MRPS27: variants seen among roughly 807,000 people sequenced by gnomAD.
MRPS27 encodes mitochondrial ribosomal protein S27.
MRPS27 carries 43 observed loss-of-function variants against 48.9 expected under a neutral mutation model. That is an observed-to-expected ratio of 0.88 (90% CI 0.69 to 1.13). The LOEUF (loss-of-function observed/expected upper bound fraction) is 1.13, where lower values mean the gene tolerates loss of function less well. Ranked by LOEUF, MRPS27 falls within the 50% of genes most tolerant of loss-of-function variation. MRPS27 has a pLI of 0.00. For missense variants in MRPS27, 467 were observed against 476.3 expected (o/e 0.98, Z 0.18); for synonymous variants, 188 against 171.9 (o/e 1.09, Z -0.73).
chr5:72,270,553 A>G (rs1260415413), intron 4 of MRPS27, among the ~76,000 whole-genome samples: 1 of 152,040 alleles, frequency 6.6e-6, no homozygotes, highest in Non-Finnish European at 1.5e-5. Flanking sequence ...TCTTAAGAAA[A>G]CTCCAGGCCC....
At chr5:72,317,399 A>G (rs1025629714) in intron 1 of MRPS27, among the ~76,000 whole-genome samples, 8 of 152,270 alleles carry the variant, frequency 5.3e-5, no homozygotes, top group Non-Finnish European at 8.8e-5. Flanking sequence ...TTGGAAATGG[A>G]GTTTCGCTCT....
chr5:72,223,579 G>T, intron 10 of MRPS27, 104 bp downstream of exon 10: 1 of 1,350,018 alleles, frequency 7.4e-7, no homozygotes. Context: ...AGTTTTTAAT[G>T]CCTCTTTGTG....
chr5:72,297,352 T>C (rs962986445), intron 3 of MRPS27, among the ~76,000 whole-genome samples: 5 of 152,148 alleles, frequency 3.3e-5, no homozygotes, highest in African/African-American at 9.7e-5. Context: ...AAAAAACTGA[T>C]GGTATCATAC....
At chr5:72,314,581 G>A (rs1227603980) in intron 1 of MRPS27, 1 of 167,840 alleles carries the variant, frequency 6.0e-6, no homozygotes, top group Non-Finnish European at 1.3e-5. Flanking sequence ...CAAACTTAGT[G>A]TGGACACTTG....
intron 9 of MRPS27, among the ~76,000 whole-genome samples, chr5:72,225,568 G>C (rs1466395244): frequency 2.6e-5 from 4 of 152,012 alleles, no homozygotes; most frequent in African/African-American, 9.7e-5. Flanking sequence ...GAACACCTTA[G>C]AACTTTGAAA....
intron 4 of MRPS27, among the ~76,000 whole-genome samples, chr5:72,278,642 A>G (rs1389152419): frequency 2.0e-5 from 3 of 152,022 alleles, no homozygotes. Flanking sequence ...TATACCCTTC[A>G]CTTTATAACA....
intron 2 of MRPS27, among the ~76,000 whole-genome samples, chr5:72,309,045 C>G (rs1750363310): frequency 6.6e-6 from 1 of 152,056 alleles, no homozygotes; most frequent in Non-Finnish European, 1.5e-5. Flanking sequence ...GACTTCAGCA[C>G]ATCATACACA....
At chr5:72,305,944 G>A (rs895024493) in intron 2 of MRPS27, among the ~76,000 whole-genome samples, 40 of 152,178 alleles carry the variant, frequency 2.6e-4, no homozygotes, top group African/African-American at 8.7e-4. Flanking sequence ...TAGCCAAAGG[G>A]AAGCCCAGTA....
At chr5:72,274,659 T>G (rs1179036282) in intron 4 of MRPS27, among the ~76,000 whole-genome samples, 1 of 152,216 alleles carries the variant, frequency 6.6e-6, no homozygotes, top group Non-Finnish European at 1.5e-5. Flanking sequence ...TCATTAACAA[T>G]TTTTATTATT....
intron 2 of MRPS27, among the ~76,000 whole-genome samples, chr5:72,309,558 C>T (rs771463566): frequency 5.9e-5 from 9 of 152,066 alleles, no homozygotes; most frequent in Non-Finnish European, 8.8e-5. Context: ...TGCGTGCTGC[C>T]CCGCTGCAGA....
intron 2 of MRPS27, among the ~76,000 whole-genome samples, chr5:72,311,117 T>C (rs962542758): frequency 6.6e-6 from 1 of 152,216 alleles, no homozygotes; most frequent in Non-Finnish European, 1.5e-5. Context: ...AAAAATGCTA[T>C]GAGAGACCCT....
At chr5:72,303,200 A>G (rs2008561) in intron 2 of MRPS27, among the ~76,000 whole-genome samples, 26,545 of 152,258 alleles carry the variant, frequency 0.17, 6,019 homozygotes, top group African/African-American at 0.53. Flanking sequence ...TATCTTGATC[A>G]TGGAGATGAC....
chr5:72,311,887 CT>C (rs1750449241), intron 2 of MRPS27, among the ~76,000 whole-genome samples: 1 of 152,148 alleles, frequency 6.6e-6, no homozygotes, highest in African/African-American at 2.4e-5. Flanking sequence ...AATCCCAGCA[CT>C]TTGGGAGGCT....
intron 4 of MRPS27, among the ~76,000 whole-genome samples, chr5:72,240,307 A>G (rs1224662646): frequency 6.6e-6 from 1 of 152,204 alleles, no homozygotes; most frequent in East Asian, 1.9e-4. Flanking sequence ...TACGAGGTGG[A>G]GCATGATAAG....
At chr5:72,296,478 C>A (rs548363440) in intron 3 of MRPS27, among the ~76,000 whole-genome samples, 4 of 152,144 alleles carry the variant, frequency 2.6e-5, no homozygotes, top group African/African-American at 9.7e-5. Flanking sequence ...CTTGGTTGCT[C>A]CATCTGCATA....
At chr5:72,265,134 AC>A (rs1487527049) in intron 4 of MRPS27, among the ~76,000 whole-genome samples, 1 of 152,194 alleles carries the variant, frequency 6.6e-6, no homozygotes, top group African/African-American at 2.4e-5. Context: ...CTTTTTAAGG[AC>A]CTTTGCTAAT....
intron 2 of MRPS27, among the ~76,000 whole-genome samples, chr5:72,311,078 T>C: frequency 6.6e-6 from 1 of 152,352 alleles, no homozygotes; most frequent in African/African-American, 2.4e-5. Flanking sequence ...GGAACTATGA[T>C]TCTAGACAGC....
intron 4 of MRPS27, among the ~76,000 whole-genome samples, chr5:72,262,576 G>C (rs1432154869): frequency 1.3e-5 from 2 of 150,956 alleles, no homozygotes; most frequent in African/African-American, 4.9e-5. Context: ...GATAAGCAAG[G>C]GCTATATGAA....
chr5:72,260,909 G>C (rs1748947352), intron 4 of MRPS27, among the ~76,000 whole-genome samples: 1 of 152,140 alleles, frequency 6.6e-6, no homozygotes, highest in Non-Finnish European at 1.5e-5. Flanking sequence ...TTTAGCTGAG[G>C]CTGGAGTGTA....
Sources: allele counts gnomAD v4.1 joint callset (sites outside exome capture counted in the v4.1 genomes callset), GRCh38; gene constraint gnomAD v4.1.1; transcripts MANE v1.5; gene names NCBI Gene and HGNC (gene_info 2026-07-23, HGNC 2026-07-21).